Variants in PML observed in about 807,000 individuals in gnomAD.
PML encodes PML nuclear body scaffold.
In PML, 28 loss-of-function variants were observed where a neutral mutation model predicts 65.2. The ratio of observed to expected loss-of-function variants is 0.43; its 90% CI spans 0.32 to 0.59. PML has a LOEUF of 0.59. Among genes scored for constraint, PML ranks in the 20% least tolerant of loss-of-function variants. PML has a pLI of 0.08. For synonymous variants in PML, 500 were observed against 508.8 expected (o/e 0.98, Z 0.23); for missense variants, 1,021 against 1,203.4 (o/e 0.85, Z 2.24).
At chr15:74,007,022 A>G (rs2141754241) in intron 2 of PML, among the ~76,000 whole-genome samples, 1 of 152,348 alleles carries the variant, frequency 6.6e-6, no homozygotes, top group South Asian at 2.1e-4. Flanking sequence ...TGGAGGTCAC[A>G]CTTCAACATG....
At chr15:74,018,676 G>A (rs2070704887) in intron 2 of PML, among the ~76,000 whole-genome samples, 1 of 152,134 alleles carries the variant, frequency 6.6e-6, no homozygotes, top group Non-Finnish European at 1.5e-5. Context: ...CTGTGAATGG[G>A]AAGATGGATT....
Position 74,035,413 on chromosome 15 carries a change from T to C in PML, c.1710+883T>C. 6.2e-7 allele frequency: 1 copy of C among 1,611,922 alleles called. No individual in the cohort carries two copies. Among genetic ancestry groups the C allele is most frequent in the South Asian group, 1.1e-5 (1 of 91,066 alleles). ...CCTGATCACCAGGAGCGCCCTGCCG[T>C]CCACCGTGGGATCCGCTACCTGTTG... On this transcript the variant is annotated intron_variant, in intron 7 of 8. Coordinates refer to ENST00000268058, the MANE Select transcript of PML (RefSeq NM_033238.3). The surrounding 1 kb of genome is among the most constrained non-coding windows in gnomAD (Gnocchi z 4.1).
rs774852587 is a variant in PML at position 74,044,870 on chromosome 15, C to T, written c.2511C>T (p.Ala837=). ...LSLQTTTLPP[A]QPAFNLQALG... is the part of the protein sequence containing the mutation. Reference sequence around the variant, plus strand: ...TGCAGACCACCACGTTGCCCCCTGCCCAGCCTGCTTTCAACCTGCAGGCTC... The same window carrying T: ...TGCAGACCACCACGTTGCCCCCTGCTCAGCCTGCTTTCAACCTGCAGGCTC... Residue 837 remains alanine (A), a synonymous_variant, in exon 9 of 9, where the codon GCC becomes GCT. Transcript: ENST00000268058. 4.3e-6 allele frequency: 7 copies of T among 1,613,564 alleles called. No homozygotes were observed. The highest frequency in any genetic ancestry group is 5.9e-6 in the Non-Finnish European group (7 of 1,180,032).
In PML at chr15:74,043,651, G is replaced by T. The variant is rs2071737721; in HGVS notation, c.1861+512G>T. 4.0e-6 allele frequency: 2 copies of T among 505,080 alleles called. No individual in the cohort carries two copies. Among genetic ancestry groups the T allele is most frequent in the African/African-American group, 1.9e-5 (1 of 51,352 alleles). 31.3% of individuals were successfully genotyped at this position (505,080 alleles called of 1,614,324 possible). ...TGGCTCTGCAAATGCCCCTCCTTGA[G>T]CCAGAGCCCCAGGCCCTACCCTGTG... On this transcript the variant is annotated intron_variant, in intron 8 of 8. Transcript: ENST00000268058. This position sits in a 1 kb window ranked among gnomAD's most constrained non-coding sequence, Gnocchi z 4.3.
chr15:74,024,262 GCTT>G (rs1363654629), intron 3 of PML, among the ~76,000 whole-genome samples: 1 of 152,126 alleles, frequency 6.6e-6, no homozygotes, highest in African/African-American at 2.4e-5. Flanking sequence ...GTGACAAAGA[GCTT>G]ATTTACTTCT....
chr15:74,032,744 C>G, intron 5 of PML, 29 bp downstream of exon 5: 1 of 1,611,974 alleles, frequency 6.2e-7, no homozygotes, highest in South Asian at 1.1e-5. Flanking sequence ...CCAGCCTTCC[C>G]TCCTGAAGGC....
chr15:74,034,264 C>G, intron 6 of PML: 1 of 648,874 alleles, frequency 1.5e-6, no homozygotes, highest in Non-Finnish European at 2.8e-6. Flanking sequence ...AGATAAGGCA[C>G]AGCAAGAAAT....
rs2071773330 is a variant in PML, at chr15:74,046,605, T to A, written c.*1597T>A. ...GATGCCAGACTGTTAAAACAGGCGC[T>A]GGTTCTGAAGCACCGATGGAAACAG... On this transcript the variant is annotated 3_prime_UTR_variant, in exon 9 of 9. Transcript: ENST00000268058. The A allele has an allele frequency of 4.3e-6, 1 of 232,602 alleles. No homozygotes were observed. Among genetic ancestry groups the A allele is most frequent in the Non-Finnish European group, 8.5e-6 (1 of 117,668 alleles). 14.4% of individuals were successfully genotyped at this position (232,602 alleles called of 1,614,324 possible).
intron 4 of PML, 94 bp downstream of exon 4, chr15:74,025,021 G>C (rs3825941): frequency 7.2e-6 from 6 of 827,628 alleles, no homozygotes; most frequent in Non-Finnish European, 1.1e-5. Context: ...CAGGGAGAGC[G>C]TCTGAGTGAG....
rs1304375903 is a variant in PML at position 74,034,533 on chromosome 15, G to A, written c.1710+3G>A. 3.7e-6 allele frequency: 6 copies of A among 1,614,046 alleles called. No individual in the cohort carries two copies. The Admixed American group carries it at 1.0e-4, about 27-fold the overall frequency. On this transcript the variant is annotated splice_donor_region_variant and intron_variant, in intron 7 of 8. Coordinates refer to ENST00000268058, the MANE Select transcript of PML (RefSeq NM_033238.3). ...AAGACTCAGATGCCGAAAACTCGGT[G>A]AGTGGCCCAGAAGTTCAGCCCAGGA...
At chr15:74,023,673 G>T (rs2070947986) in intron 3 of PML, among the ~76,000 whole-genome samples, 1 of 152,178 alleles carries the variant, frequency 6.6e-6, no homozygotes, top group Admixed American at 6.5e-5. Context: ...TGGGGAACAC[G>T]TGAAAGTTGA....
chr15:74,023,573 G>A (rs2070941911), intron 3 of PML, among the ~76,000 whole-genome samples, 165 bp downstream of exon 3: 1 of 152,200 alleles, frequency 6.6e-6, no homozygotes, highest in Non-Finnish European at 1.5e-5. Context: ...ATAAGGGGGA[G>A]ATGAGGCCCT....
Position 74,016,864 on chromosome 15 carries a change from T to C in PML, c.603-5964T>C, listed in dbSNP as rs374833746. Among the ~76,000 whole-genome samples, 185 of 139,570 alleles carry C rather than the reference T, an allele frequency of 1.3e-3. 1 individual carries two copies. The highest frequency in any genetic ancestry group is 4.6e-3 in the African/African-American group (176 of 38,008). 91.6% of individuals were successfully genotyped at this position (139,570 alleles called of 152,430 possible). On this transcript the variant is annotated intron_variant, in intron 2 of 8. Transcript: ENST00000268058. Reference sequence around the variant, plus strand: ...CAGGCTGGAGTGCAGTGGTGCGATCTTGGCTCACTGCAAGCTCCGCCTCCC... The same window carrying C: ...CAGGCTGGAGTGCAGTGGTGCGATCCTGGCTCACTGCAAGCTCCGCCTCCC...
chr15:74,027,063 G>C (rs760174427), intron 4 of PML: 2 of 152,198 alleles, frequency 1.3e-5, no homozygotes, highest in Non-Finnish European at 2.9e-5. Flanking sequence ...GATAATACCA[G>C]ATACACATGG....
At chr15:73,996,373 A>G (rs1249296081) in intron 1 of PML, among the ~76,000 whole-genome samples, 1 of 152,240 alleles carries the variant, frequency 6.6e-6, no homozygotes, top group Non-Finnish European at 1.5e-5. Flanking sequence ...CAGGAGTCCC[A>G]CAATATATGA....
At chr15:74,004,053 T>A (rs957852319) in intron 2 of PML, among the ~76,000 whole-genome samples, 2 of 152,188 alleles carry the variant, frequency 1.3e-5, no homozygotes, top group Non-Finnish European at 2.9e-5. Context: ...CCACTAATGG[T>A]CTATTTTTTC....
intron 2 of PML, among the ~76,000 whole-genome samples, chr15:74,013,063 T>C (rs1290041379): frequency 2.0e-5 from 3 of 152,232 alleles, no homozygotes; most frequent in Non-Finnish European, 4.4e-5. Flanking sequence ...TGCCTAAAGA[T>C]ATTTTTTATT....
intron 2 of PML, among the ~76,000 whole-genome samples, chr15:74,012,030 C>T (rs538106513): frequency 6.6e-6 from 1 of 152,160 alleles, no homozygotes; most frequent in Non-Finnish European, 1.5e-5. Context: ...CAATGTTGAA[C>T]TTAATTTTCC....
At position 74,046,900 on chromosome 15, in the gene PML, G is replaced by A. The variant is rs73431430; in HGVS notation, c.*1892G>A. ...CACTTGCCCAGCACAACTGTGTTTT[G>A]TGGGGCGTCTTTTAGGACTTAGCAG... is the stretch of plus-strand genomic sequence containing the variant. On this transcript the variant is annotated 3_prime_UTR_variant, in exon 9 of 9. Transcript: ENST00000268058. 4.3e-6 allele frequency: 1 copy of A among 230,466 alleles called. No individual in the cohort carries two copies. Among genetic ancestry groups the A allele is most frequent in the South Asian group, 1.8e-4 (1 of 5,512 alleles). 14.3% of individuals were successfully genotyped at this position (230,466 alleles called of 1,614,324 possible). A position where few individuals can be genotyped will look rare whatever the true frequency, so the allele number is the denominator to read the frequency against.
Sources: allele counts gnomAD v4.1 joint callset (sites outside exome capture counted in the v4.1 genomes callset), GRCh38; gene constraint gnomAD v4.1.1; non-coding constraint Gnocchi (gnomAD v3.1); transcripts MANE v1.5; gene names NCBI Gene and HGNC (gene_info 2026-07-23, HGNC 2026-07-21).